SMC2: variants seen among roughly 807,000 people sequenced by gnomAD.
SMC2 encodes structural maintenance of chromosomes protein 2.
A neutral mutation model predicts 142.6 loss-of-function variants in SMC2; 41 were observed. The observed-to-expected ratio is 0.29, with a 90% CI of 0.22 to 0.37. The LOEUF is 0.37. Ranked by LOEUF, SMC2 falls within the 10% of genes least tolerant of loss-of-function variation. SMC2 has a pLI of 1.00. For missense variants in SMC2, 1,265 were observed against 1,373.7 expected (o/e 0.92, Z 1.25); for synonymous variants, 463 against 457.5 (o/e 1.01, Z -0.15).
chr9:104,101,933 A>G, intron 7 of SMC2, 27 bp from the exon 8 acceptor site: 1 of 1,378,064 alleles, frequency 7.3e-7, no homozygotes, highest in Non-Finnish European at 1.0e-6. Context: ...ATTTTGAGTT[A>G]TTCTTTTTTT....
chr9:104,139,306 G>A lies in SMC2; in HGVS notation c.3585G>A (p.Val1195=). The A allele has an allele frequency of 6.3e-7, 1 of 1,579,326 alleles. No homozygotes were observed. Among genetic ancestry groups the A allele is most frequent in the South Asian group, 1.2e-5 (1 of 83,850 alleles). Residue 1195 remains valine, a synonymous_variant, in exon 25 of 25, where the codon GTG becomes GTA. Transcript: ENST00000374793. ...CAAAACCACCCAAAGGAGCACATGT[G>A]GAAGTTTAAACTACAAAGTTATTTC... ...SKAKPPKGAH[V]EV
In SMC2 at chr9:104,095,376, G is replaced by A. The variant is rs1211709339; in HGVS notation, c.-9G>A. 1 of 1,611,074 alleles carries A rather than the reference G, an allele frequency of 6.2e-7. No individual in the cohort carries two copies. Among genetic ancestry groups the A allele is most frequent in the Admixed American group, 1.7e-5 (1 of 59,970 alleles). ...GTCAGAGGTTTGCTGACCCAAGACA[G>A]TATCGAAAATGCATATTAAGTCAAT... On this transcript the variant is annotated 5_prime_UTR_variant, in exon 2 of 25. Coordinates refer to ENST00000374793, the MANE Select transcript of SMC2 (RefSeq NM_006444.3).
rs1292050298 is a variant in SMC2 at position 104,129,675 on chromosome 9, A to C, written c.2821A>C (p.Ile941Leu). The change falls in exon 21 of 25, where the codon ATT becomes CTT. Residue 941 changes from isoleucine to leucine, a missense_variant. Around this residue, in one of 4 missense-constraint regions of SMC2, gnomAD observed 898 missense variants for 904.2 expected, o/e 0.99. Coordinates refer to ENST00000374793, the MANE Select transcript of SMC2 (RefSeq NM_006444.3). ...CAAAATGTTGAAAGATTATGACTGG[A>C]TTAATGCAGAGAGACACCTCTTTGG... ...VSKMLKDYDW[I>L]NAERHLFGQP... 1 of 1,613,988 alleles carries C rather than the reference A, an allele frequency of 6.2e-7. No individual in the cohort carries two copies. The highest frequency in any genetic ancestry group is 1.1e-5 in the South Asian group (1 of 91,084).
upstream of SMC2, among the ~76,000 whole-genome samples, chr9:104,090,463 G>T (rs1169072221): frequency 6.6e-6 from 1 of 152,020 alleles, no homozygotes; most frequent in African/African-American, 2.4e-5. Context: ...CAATCTACTA[G>T]TTTGGGGAAG....
intron 8 of SMC2, 79 bp downstream of exon 8, chr9:104,102,272 C>T: frequency 1.9e-6 from 2 of 1,049,148 alleles, no homozygotes; most frequent in Non-Finnish European, 2.7e-6. Flanking sequence ...ATTTAGGATT[C>T]ATTGGGCATT....
chr9:104,120,978 T>C (rs1024080644), intron 16 of SMC2, among the ~76,000 whole-genome samples: 1 of 146,250 alleles, frequency 6.8e-6, no homozygotes, highest in African/African-American at 2.7e-5. Flanking sequence ...ACAAAGTAAA[T>C]CAGGAAAGGA....
intron 17 of SMC2, 111 bp downstream of exon 17, chr9:104,123,343 T>C: frequency 6.6e-6 from 7 of 1,067,372 alleles, no homozygotes; most frequent in Non-Finnish European, 9.0e-6. Flanking sequence ...ATAAAGTTTA[T>C]TTAGGGAAAA....
rs184938388 is a variant in SMC2 at position 104,102,594 on chromosome 9, A to G, written c.1020+21A>G. On this transcript the variant is annotated intron_variant, in intron 9 of 24. Coordinates refer to ENST00000374793, the MANE Select transcript of SMC2 (RefSeq NM_006444.3). Reference sequence around the variant, plus strand: ...TTGAGGTAAGTGAGCTTAATGTGCCACTAGTGCCACTTGTAGACAAGTATA... The same window carrying G: ...TTGAGGTAAGTGAGCTTAATGTGCCGCTAGTGCCACTTGTAGACAAGTATA... 6.7e-4 allele frequency: 1,081 copies of G among 1,607,140 alleles called. 2 individuals are homozygous for G. The highest frequency in any genetic ancestry group is 8.5e-4 in the Non-Finnish European group (1,001 of 1,176,766).
chr9:104,103,547 G>A (rs1280414129), intron 9 of SMC2, among the ~76,000 whole-genome samples: 1 of 152,194 alleles, frequency 6.6e-6, no homozygotes, highest in Non-Finnish European at 1.5e-5. Flanking sequence ...GCTGCAAGTA[G>A]GATAGGAACT....
At position 104,114,069 on chromosome 9, in the gene SMC2, G is replaced by A. The variant is rs370550727; in HGVS notation, c.1520G>A (p.Arg507Gln). ...CTATTAGCCAGATTTCCCAATCTTC[G>A]ATTTGCATACAAGTAAGAGACTTAA... ...EALLARFPNL[R>Q]FAYKDPEKNW... Residue 507 changes from arginine to glutamine, a missense_variant, in exon 12 of 25, where the codon CGA becomes CAA. Around this residue, in one of 4 missense-constraint regions of SMC2, gnomAD observed 898 missense variants for 904.2 expected, o/e 0.99. Transcript: ENST00000374793. 6 of 1,542,244 alleles carry A rather than the reference G, an allele frequency of 3.9e-6. No individual in the cohort carries two copies. Among genetic ancestry groups the A allele is most frequent in the Admixed American group, 1.9e-5 (1 of 52,636 alleles).
chr9:104,103,963 C>T (rs1296124357), intron 9 of SMC2, among the ~76,000 whole-genome samples: 1 of 151,724 alleles, frequency 6.6e-6, no homozygotes, highest in African/African-American at 2.4e-5. Context: ...ACATGTGGAC[C>T]TGCCTTGTTT....
chr9:104,126,590 T>A, intron 18 of SMC2, 51 bp from the exon 19 acceptor site: 2 of 1,401,898 alleles, frequency 1.4e-6, no homozygotes, highest in Non-Finnish European at 2.0e-6. Context: ...CATATTTGTT[T>A]TTCAGTAGTT....
At chr9:104,120,974 T>C (rs992159586) in intron 16 of SMC2, among the ~76,000 whole-genome samples, 4 of 152,092 alleles carry the variant, frequency 2.6e-5, no homozygotes, top group Non-Finnish European at 5.9e-5. Context: ...AAGAACAAAG[T>C]AAATCAGGAA....
chr9:104,114,129 T>G (rs759948879), intron 12 of SMC2, 48 bp downstream of exon 12: 1 of 1,161,124 alleles, frequency 8.6e-7, no homozygotes, highest in Middle Eastern at 2.0e-4. Context: ...ATCAAGACAT[T>G]TTTATTTAAG....
intron 20 of SMC2, among the ~76,000 whole-genome samples, chr9:104,129,134 A>G (rs1228936692): frequency 6.6e-6 from 1 of 152,160 alleles, no homozygotes; most frequent in Non-Finnish European, 1.5e-5. Flanking sequence ...TTTGCTATAC[A>G]GTGTCTTGTT....
chr9:104,132,912 A>G (rs190797761), intron 22 of SMC2, among the ~76,000 whole-genome samples: 14 of 151,564 alleles, frequency 9.2e-5, no homozygotes, highest in Non-Finnish European at 1.9e-4. Flanking sequence ...GTCTAAACAT[A>G]TCCTGCTCTT....
chr9:104,090,336 T>C (rs565416333), upstream of SMC2, among the ~76,000 whole-genome samples: 16 of 152,182 alleles, frequency 1.1e-4, no homozygotes, highest in South Asian at 2.9e-3. Flanking sequence ...GAGCCAGTAG[T>C]TGAGTTTTAA....
intron 9 of SMC2, among the ~76,000 whole-genome samples, chr9:104,103,026 A>G (rs1782518961): frequency 6.6e-6 from 1 of 152,126 alleles, no homozygotes; most frequent in Non-Finnish European, 1.5e-5. Context: ...CTATATGAAT[A>G]TTGAATCCAG....
chr9:104,134,349 A>G (rs1835306260), intron 22 of SMC2, 66 bp from the exon 23 acceptor site: 3 of 1,241,152 alleles, frequency 2.4e-6, no homozygotes, highest in Middle Eastern at 2.0e-4. Flanking sequence ...GCATATACAT[A>G]TATCAACAAT....
Sources: gnomAD v4.1 joint callset for allele counts (sites outside exome capture counted in the v4.1 genomes callset) on GRCh38, gnomAD v4.1.1 for gene constraint, gnomAD v4.1.1 regional missense constraint, MANE v1.5 for transcripts, NCBI Gene and HGNC (gene_info 2026-07-23, HGNC 2026-07-21) for gene names.